The following ERI2 variants were observed in gnomAD, a reference collection of about 807,000 sequenced individuals.
ERI2 encodes ERI1 exoribonuclease 2.
In ERI2, 35 loss-of-function variants were observed where a neutral mutation model predicts 46.8. The observed-to-expected ratio is 0.75, with a 90% CI of 0.57 to 0.99. The LOEUF (loss-of-function observed/expected upper bound fraction) is 0.99, where lower values mean the gene tolerates loss of function less well. ERI2 is among the 50% of genes least tolerant of loss of function. The pLI, the probability that ERI2 is intolerant of heterozygous loss-of-function variation, is 0.00. For missense variants in ERI2, 695 were observed against 796.2 expected (o/e 0.87, Z 1.53); for synonymous variants, 224 against 271.0 (o/e 0.83, Z 1.70).
chr16:20,789,475 T>A (rs778604727), intron 10 of ERI2: 1 of 1,607,712 alleles, frequency 6.2e-7, no homozygotes, highest in Non-Finnish European at 8.5e-7. Flanking sequence ...TGTGGCTTAC[T>A]TACCATTGTC....
At chr16:20,786,872 A>C (rs1412955607) in intron 10 of ERI2, among the ~76,000 whole-genome samples, 1 of 152,194 alleles carries the variant, frequency 6.6e-6, no homozygotes, top group East Asian at 1.9e-4. Context: ...TCTTAACCAC[A>C]ACACAACACT....
At chr16:20,792,483 C>T, downstream of ERI2, 1 of 1,486,970 alleles carries the variant, frequency 6.7e-7, no homozygotes, top group East Asian at 2.4e-5. Flanking sequence ...GAAAGAACTG[C>T]TACAAAATAA....
At chr16:20,792,728 C>G (rs533407688), downstream of ERI2, 12 of 985,346 alleles carry the variant, frequency 1.2e-5, no homozygotes, top group East Asian at 6.8e-4. Context: ...GGAGAATGGG[C>G]TGGCATCAGA....
chr16:20,785,023 G>A (rs1335308563), intron 10 of ERI2: 1 of 1,613,664 alleles, frequency 6.2e-7, no homozygotes, highest in East Asian at 2.2e-5. Context: ...TGAGTGCTGG[G>A]GAACCAATTA....
At chr16:20,801,156 T>C (rs2080791625) in intron 5 of ERI2, 47 bp downstream of exon 5, 2 of 1,448,520 alleles carry the variant, frequency 1.4e-6, no homozygotes, top group East Asian at 2.5e-5. Flanking sequence ...AATTACATAG[T>C]GGTAATGCTA....
At chr16:20,792,679 A>G (rs937890747), downstream of ERI2, 2 of 985,450 alleles carry the variant, frequency 2.0e-6, no homozygotes, top group Non-Finnish European at 2.4e-6. Context: ...ATTGTTACCC[A>G]GAAGGTCTGG....
Position 20,790,839 on chromosome 16 carries a change from T to A in ERI2, c.815+11A>T. 1 of 1,613,956 alleles carries A rather than the reference T, an allele frequency of 6.2e-7. No homozygotes were observed. The highest frequency in any genetic ancestry group is 8.5e-7 in the Non-Finnish European group (1 of 1,179,930). On this transcript the variant is annotated intron_variant, in intron 9 of 10. Coordinates refer to the ERI2 transcript ENST00000300005. This position sits in a 1 kb window ranked among gnomAD's most constrained non-coding sequence, Gnocchi z 4.0. ...AATAGTAATCCAAAAGACAAGAAAT[T>A]GAAGAAATACCCAAATTCTTGCTGA...
chr16:20,789,684 CTTTTTTT>C (rs561663756), intron 9 of ERI2: 20 of 446,574 alleles, frequency 4.5e-5, no homozygotes, highest in Middle Eastern at 6.5e-4. Flanking sequence ...CTCTATTTTT[CTTTTTTT>C]TTTTTTTTTT....
intron 4 of ERI2, 23 bp from the exon 5 acceptor site, chr16:20,801,382 T>TGG (rs2080793994): frequency 6.4e-7 from 1 of 1,557,062 alleles, no homozygotes; most frequent in Non-Finnish European, 8.7e-7. Context: ...TCACAAAAGC[T>TGG]GAATTCAACA....
At chr16:20,783,991 A>C (rs2080412531) in intron 10 of ERI2, among the ~76,000 whole-genome samples, 1 of 152,114 alleles carries the variant, frequency 6.6e-6, no homozygotes, top group Non-Finnish European at 1.5e-5. Context: ...TTTTTAGTGG[A>C]GATGGGGTTC....
Position 20,790,621 on chromosome 16 carries a change from G to A in ERI2, c.815+229C>T. The stretch of plus-strand genomic sequence containing the variant: ...GTAAATGGCAATGTTCTACCTCCTG[G>A]ACAAGAAGGAGATATTGGCATTCAA... On this transcript the variant is annotated intron_variant, in intron 9 of 10. Coordinates refer to the ERI2 transcript ENST00000300005. The surrounding 1 kb of genome is among the most constrained non-coding windows in gnomAD (Gnocchi z 4.0). 1.2e-6 allele frequency: 2 copies of A among 1,614,044 alleles called. No homozygotes were observed. Among genetic ancestry groups the A allele is most frequent in the Non-Finnish European group, 1.7e-6 (2 of 1,179,964 alleles).
intron 10 of ERI2, chr16:20,781,046 G>A (rs1318176496): frequency 1.9e-6 from 3 of 1,614,200 alleles, no homozygotes; most frequent in Non-Finnish European, 1.7e-6. Context: ...AGTCTGCATG[G>A]AGTAGTGTTT....
At chr16:20,800,140 C>T (rs762613501) in intron 6 of ERI2, 102 bp from the exon 7 acceptor site, 170 of 905,724 alleles carry the variant, frequency 1.9e-4, no homozygotes, top group Non-Finnish European at 2.7e-4. Flanking sequence ...TTAGAATGTG[C>T]TTATTTTTTG....
At position 20,798,850 on chromosome 16, in the gene ERI2, A is replaced by C. The variant is rs1596548942; in HGVS notation, c.950T>G (p.Ile317Arg). The C allele has an allele frequency of 6.4e-7, 1 of 1,550,954 alleles. No individual in the cohort carries two copies. The highest frequency in any genetic ancestry group is 2.4e-5 in the East Asian group (1 of 40,912). The change falls in exon 9 of 9, where the codon ATA becomes AGA. Residue 317 changes from isoleucine to arginine, a missense_variant. Transcript: ENST00000357967. ...TTTGACATTGTGAAGACTTGCTTTTATATTGTTTTTTACTTGTAATTGATC... is the reference window on the plus strand; with the variant it reads ...TTTGACATTGTGAAGACTTGCTTTTCTATTGTTTTTTACTTGTAATTGATC... Reference protein sequence around the residue: ...QQDQLQVKNNIKASLHNVKSS... With the variant: ...QQDQLQVKNNRKASLHNVKSS...
At chr16:20,796,255 A>G, downstream of ERI2, 1 of 1,471,876 alleles carries the variant, frequency 6.8e-7, no homozygotes, top group Admixed American at 2.6e-5. Flanking sequence ...AAACTTTATT[A>G]AAACACACTG....
chr16:20,792,149 G>A, downstream of ERI2: 12 of 1,614,076 alleles, frequency 7.4e-6, no homozygotes, highest in Non-Finnish European at 1.0e-5. Context: ...TTTTCCATAT[G>A]TGCATATGTC....
At position 20,796,404 on chromosome 16, in the gene ERI2, A is replaced by G. The variant is rs1275652505; in HGVS notation, c.*1320T>C. Reference sequence around the variant, plus strand: ...GCTTTTGTCGTTCTAAATCCTGATTACAAGTCACATGATCAAGAACAACTA... The same window carrying G: ...GCTTTTGTCGTTCTAAATCCTGATTGCAAGTCACATGATCAAGAACAACTA... On this transcript the variant is annotated 3_prime_UTR_variant, in exon 9 of 9. Coordinates refer to ENST00000357967, the MANE Select transcript of ERI2 (RefSeq NM_001142725.2). 1.9e-6 allele frequency: 3 copies of G among 1,613,656 alleles called. No individual in the cohort carries two copies. The highest frequency in any genetic ancestry group is 2.5e-6 in the Non-Finnish European group (3 of 1,179,908).
intron 10 of ERI2, chr16:20,781,587 A>T: frequency 1.3e-6 from 1 of 796,008 alleles, no homozygotes. Context: ...TCTACAAGAA[A>T]AGGTAAGAAT....
rs1266472913 is a variant in ERI2, at chr16:20,780,993, C to A, written c.895-259G>T. On this transcript the variant is annotated intron_variant, in intron 10 of 10. Transcript: ENST00000300005. The stretch of plus-strand genomic sequence containing the variant: ...TCCCAGGTTCTGGCTAGATTTGACA[C>A]CCTCAGATGTGATGTGGAATACCTC... The A allele has an allele frequency of 2.5e-6, 4 of 1,614,060 alleles. No individual in the cohort carries two copies. Among genetic ancestry groups the A allele is most frequent in the Non-Finnish European group, 2.5e-6 (3 of 1,180,018 alleles).
Sources: gnomAD v4.1 joint callset for allele counts (sites outside exome capture counted in the v4.1 genomes callset) on GRCh38, gnomAD v4.1.1 for gene constraint, Gnocchi (gnomAD v3.1) non-coding constraint, MANE v1.5 for transcripts, NCBI Gene and HGNC (gene_info 2026-07-23, HGNC 2026-07-21) for gene names.